PVR: variants seen among roughly 807,000 people sequenced by gnomAD.
PVR encodes poliovirus receptor.
PVR carries 39 observed loss-of-function variants against 43.3 expected under a neutral mutation model. That is an observed-to-expected ratio of 0.90 (90% confidence interval 0.70 to 1.18). The LOEUF is 1.18. PVR is among the 50% of genes most tolerant of loss of function. PVR has a pLI of 0.00. For synonymous variants in PVR, 224 were observed against 233.2 expected (o/e 0.96, Z 0.36); for missense variants, 480 against 549.7 (o/e 0.87, Z 1.27).
intron 3 of PVR, 69 bp from the exon 4 acceptor site, chr19:44,653,831 T>G (rs1285167303): frequency 2.8e-6 from 3 of 1,087,518 alleles, no homozygotes; most frequent in Non-Finnish European, 4.2e-6. Flanking sequence ...TGCAGTGTCG[T>G]GAATCCCGCG....
At chr19:44,661,243 G>C (rs1462879392) in intron 6 of PVR, 49 bp from the exon 7 acceptor site, 1 of 1,570,360 alleles carries the variant, frequency 6.4e-7, no homozygotes, top group African/African-American at 1.4e-5. Flanking sequence ...TTCTTCCCAT[G>C]CTTCCCAGCA....
In PVR at chr19:44,644,045, C is replaced by T. The variant is rs1160535400; in HGVS notation, c.-52C>T. On this transcript the variant is annotated 5_prime_UTR_variant, in exon 1 of 8. Coordinates refer to ENST00000425690, the MANE Select transcript of PVR (RefSeq NM_006505.5). ...GCGACCGCGGCAGAGCGAGCGGGCGCCGGGAAGCGAGGAGACGCCCGCGGG... is the reference window on the plus strand; with the variant it reads ...GCGACCGCGGCAGAGCGAGCGGGCGTCGGGAAGCGAGGAGACGCCCGCGGG... 2 of 1,457,306 alleles carry T rather than the reference C, an allele frequency of 1.4e-6. No homozygotes were observed. The highest frequency in any genetic ancestry group is 1.8e-6 in the Non-Finnish European group (2 of 1,096,744). The allele number at this position is 1,457,306 out of a possible 1,614,324, so 90.3% of individuals were successfully genotyped here. A position where few individuals can be genotyped will look rare whatever the true frequency, so the allele number is the denominator to read the frequency against.
chr19:44,657,337 T>G (rs1374030218), intron 4 of PVR, among the ~76,000 whole-genome samples: 1 of 151,988 alleles, frequency 6.6e-6, no homozygotes, highest in East Asian at 1.9e-4. Context: ...CCAGAAGACT[T>G]CGGTTTAACT....
intron 2 of PVR, among the ~76,000 whole-genome samples, chr19:44,648,794 G>A (rs1320388893): frequency 6.6e-6 from 1 of 152,186 alleles, no homozygotes; most frequent in African/African-American, 2.4e-5. Context: ...AAAGGCAGCT[G>A]TTGTCACTCC....
At chr19:44,661,442 C>T (rs957201618) in intron 7 of PVR, 119 bp downstream of exon 7, 3 of 1,097,028 alleles carry the variant, frequency 2.7e-6, no homozygotes, top group Admixed American at 3.9e-5. Flanking sequence ...GTGCCTCGAG[C>T]AGCATTTCCC....
At chr19:44,654,346 G>T (rs947011745) in intron 4 of PVR, among the ~76,000 whole-genome samples, 1 of 152,200 alleles carries the variant, frequency 6.6e-6, no homozygotes, top group Non-Finnish European at 1.5e-5. Flanking sequence ...ACAGACTGGG[G>T]CCTGGACTCC....
intron 2 of PVR, 55 bp from the exon 3 acceptor site, chr19:44,649,754 C>G: frequency 6.3e-7 from 1 of 1,577,422 alleles, no homozygotes; most frequent in South Asian, 1.2e-5. Context: ...TGAATGCCCC[C>G]TTCTGCCACG....
At chr19:44,653,594 T>C (rs998932816) in intron 3 of PVR, 2 of 294,094 alleles carry the variant, frequency 6.8e-6, no homozygotes, top group East Asian at 1.2e-4. Context: ...GGTCATTGCC[T>C]ATGAGTGAGA....
chr19:44,647,144 G>C (rs1055507444), intron 1 of PVR, 79 bp from the exon 2 acceptor site: 5 of 1,002,750 alleles, frequency 5.0e-6, no homozygotes, highest in African/African-American at 1.7e-5. Context: ...GCACGCCCAG[G>C]TGCCCGGGCT....
At chr19:44,657,980 G>A (rs1973498567) in intron 5 of PVR, 70 bp downstream of exon 5, 1 of 1,495,652 alleles carries the variant, frequency 6.7e-7, no homozygotes, top group Admixed American at 2.1e-5. Context: ...CCTGTCTAAT[G>A]CTCTCTGGCT....
At chr19:44,653,764 ACTC>A in intron 3 of PVR, 133 bp from the exon 4 acceptor site, 1 of 669,810 alleles carries the variant, frequency 1.5e-6, no homozygotes, top group South Asian at 1.7e-5. Flanking sequence ...ATCTACCTAG[ACTC>A]CTCCTAGGCC....
chr19:44,646,715 T>C (rs1395806056), intron 1 of PVR, among the ~76,000 whole-genome samples: 3 of 151,630 alleles, frequency 2.0e-5, no homozygotes, highest in Admixed American at 6.6e-5. Context: ...GAGCTTGCAG[T>C]GAGCAGAGAT....
chr19:44,662,887 GGCTGCAATTCAGGCCGCAAGCA>G lies in PVR; in HGVS notation c.*1082_*1103del, dbSNP rs1284689676. ...ACAGCCACTGACCCTGGTCACCAGA[GGCTGCAATTCAGGCCGCAAGCA>G]GCTGCCTGGGGGGTGTCCAAGGAGC... On this transcript the variant is annotated 3_prime_UTR_variant, in exon 8 of 8. Transcript: ENST00000425690. 6.6e-6 allele frequency: 1 copy of G among 152,196 alleles called. No individual in the cohort carries two copies. The highest frequency in any genetic ancestry group is 6.5e-5 in the Admixed American group (1 of 15,274). The allele number at this position is 152,196 out of a possible 1,614,324, so 9.4% of individuals were successfully genotyped here. A position where few individuals can be genotyped will look rare whatever the true frequency, so the allele number is the denominator to read the frequency against.
rs3745145 is a variant in PVR, at chr19:44,653,980, C to G, written c.805C>G (p.Arg269Gly). The change falls in exon 4 of 8, where the codon CGC becomes GGC. Residue 269 changes from arginine (R) to glycine (G), a missense_variant. Transcript: ENST00000425690. ...TGAGGCCACCCTGACCTGCGATGCT[C>G]GCAGCAACCCAGAGCCCACAGGCTA... ...QNEATLTCDA[R>G]SNPEPTGYNW... 9.9e-6 allele frequency: 16 copies of G among 1,614,142 alleles called. No homozygotes were observed. The East Asian group carries it at 3.1e-4, about 31-fold the overall frequency.
At chr19:44,652,252 G>A (rs973384040) in intron 3 of PVR, among the ~76,000 whole-genome samples, 7 of 152,302 alleles carry the variant, frequency 4.6e-5, no homozygotes, top group Admixed American at 6.5e-5. Flanking sequence ...AGACTGGAGT[G>A]CAGTGGCACA....
intron 3 of PVR, among the ~76,000 whole-genome samples, chr19:44,650,480 T>C (rs1365202965): frequency 6.6e-6 from 1 of 151,848 alleles, no homozygotes; most frequent in Non-Finnish European, 1.5e-5. Context: ...CTCCCCACAT[T>C]GCTACACTGG....
intron 6 of PVR, among the ~76,000 whole-genome samples, chr19:44,660,218 G>A (rs151139288): frequency 7.9e-5 from 12 of 152,298 alleles, no homozygotes; most frequent in African/African-American, 2.4e-4. Flanking sequence ...AGAGGCACTC[G>A]AGGAAGTGTT....
At chr19:44,647,604 G>C (rs749014363) in intron 2 of PVR, 34 bp downstream of exon 2, 2 of 1,550,070 alleles carry the variant, frequency 1.3e-6, no homozygotes, top group Non-Finnish European at 1.8e-6. Flanking sequence ...CTGAATGAAA[G>C]GCAGAGACTT....
chr19:44,659,364 G>A (rs1973535616), intron 6 of PVR, among the ~76,000 whole-genome samples: 1 of 152,212 alleles, frequency 6.6e-6, no homozygotes, highest in African/African-American at 2.4e-5. Context: ...GCTCCTTCTG[G>A]AGAAGTGTGC....
Sources: gnomAD v4.1 joint callset for allele counts (sites outside exome capture counted in the v4.1 genomes callset) on GRCh38, gnomAD v4.1.1 for gene constraint, MANE v1.5 for transcripts, NCBI Gene and HGNC (gene_info 2026-07-23, HGNC 2026-07-21) for gene names.